Variants in CD2 observed in about 807,000 individuals in gnomAD.
CD2 encodes the protein CD2 molecule.
CD2 carries 18 observed loss-of-function variants against 23.2 expected under a neutral mutation model. The ratio of observed to expected loss-of-function variants is 0.77; its 90% CI spans 0.54 to 1.15. CD2 has a LOEUF of 1.15. Ranked by LOEUF, CD2 falls within the 50% of genes most tolerant of loss-of-function variation. CD2 has a pLI of 0.00. For synonymous variants in CD2, 162 were observed against 151.9 expected (o/e 1.07, Z -0.49); for missense variants, 424 against 423.1 (o/e 1.00, Z -0.02).
In CD2 at chr1:116,754,705, C is replaced by G. The variant is rs142374557; in HGVS notation, c.136C>G (p.Pro46Ala). 8.1e-3 allele frequency: 13,128 copies of G among 1,612,830 alleles called. 74 individuals are homozygous for G. The highest frequency in any genetic ancestry group is 0.01 in the Non-Finnish European group (11,976 of 1,179,634). Residue 46 changes from proline (P) to alanine (A), a missense_variant, in exon 2 of 5, where the codon CCT becomes GCT. Physicochemically the swap from Pro to Ala is conservative, Grantham distance 27. Coordinates refer to ENST00000369478, the MANE Select transcript of CD2 (RefSeq NM_001767.5). ...GGGTCAGGACATCAACTTGGACATTCCTAGTTTTCAAATGAGTGATGATAT... is the reference window on the plus strand; with the variant it reads ...GGGTCAGGACATCAACTTGGACATTGCTAGTTTTCAAATGAGTGATGATAT... ...ALGQDINLDI[P>A]SFQMSDDIDD...
chr1:116,755,016 G>A, intron 2 of CD2, 65 bp downstream of exon 2: 8 of 1,150,688 alleles, frequency 7.0e-6, no homozygotes, highest in Non-Finnish European at 1.0e-5. Flanking sequence ...TTGGAAAATA[G>A]CATTTCTAAT....
At chr1:116,766,197 G>A (rs1194579062) in intron 4 of CD2, among the ~76,000 whole-genome samples, 7 of 152,232 alleles carry the variant, frequency 4.6e-5, no homozygotes, top group Admixed American at 3.9e-4. Context: ...AGGACAATGA[G>A]CCTGGAGGAA....
At chr1:116,766,552 C>T (rs913834505) in intron 4 of CD2, among the ~76,000 whole-genome samples, 2 of 152,104 alleles carry the variant, frequency 1.3e-5, no homozygotes, top group African/African-American at 2.4e-5. Flanking sequence ...GTTGGAAGGA[C>T]AAATGAACCA....
At chr1:116,758,152 TTGAG>T (rs1651919563) in intron 2 of CD2, among the ~76,000 whole-genome samples, 1 of 152,054 alleles carries the variant, frequency 6.6e-6, no homozygotes. Flanking sequence ...ATTATTGACT[TTGAG>T]TGGTGGCGTT....
rs150567561 is a variant in CD2, at chr1:116,768,535, G to A, written c.808G>A (p.Ala270Thr). ...ERGRKPHQIP[A>T]STPQNPATSQ... ...GGGCCGGAAGCCCCACCAAATTCCAGCTTCAACCCCTCAGAATCCAGCAAC... is the reference window on the plus strand; with the variant it reads ...GGGCCGGAAGCCCCACCAAATTCCAACTTCAACCCCTCAGAATCCAGCAAC... Residue 270 changes from alanine (A) to threonine (T), a missense_variant, in exon 5 of 5, where the codon GCT (alanine) becomes ACT (threonine). Ala to Thr is a moderately conservative substitution (Grantham distance 58, BLOSUM62 0). Transcript: ENST00000369478. The A allele has an allele frequency of 1.2e-4, 189 of 1,614,012 alleles. No individual in the cohort carries two copies. The highest frequency in any genetic ancestry group is 1.3e-4 in the Non-Finnish European group (159 of 1,180,044).
In CD2 at chr1:116,764,802, A is replaced by G. The variant is rs796132819; in HGVS notation, c.736+196A>G. 9 of 572,818 alleles carry G rather than the reference A, an allele frequency of 1.6e-5. No homozygotes were observed. In the African/African-American group the frequency reaches 1.7e-4, roughly 11 times the overall value. 35.5% of individuals were successfully genotyped at this position (572,818 alleles called of 1,614,324 possible). On this transcript the variant is annotated intron_variant, in intron 4 of 4. Transcript: ENST00000369478. ...TTTGAAAAACAAATTCTTAGTGGTG[A>G]CAATGTGGGAGCTTTGAGACACTGA...
At chr1:116,756,991 C>CTT (rs141857831) in intron 2 of CD2, among the ~76,000 whole-genome samples, 10 of 104,600 alleles carry the variant, frequency 9.6e-5, no homozygotes, top group South Asian at 7.7e-4. Context: ...CCAAGCTTCT[C>CTT]TTTTTTTTTT....
chr1:116,760,486 T>G lies in CD2; in HGVS notation c.467T>G (p.Leu156Ter), dbSNP rs1652009787. 6.2e-7 allele frequency: 1 copy of G among 1,614,046 alleles called. No homozygotes were observed. The change falls in exon 3 of 5, where the codon TTA becomes TGA. Residue 156 changes from leucine to a stop codon, truncating the protein, a stop_gained. Coordinates refer to ENST00000369478, the MANE Select transcript of CD2 (RefSeq NM_001767.5). LOFTEE classifies it high-confidence loss of function. ...CEVMNGTDPE[L>*]NLYQDGKHLK... The stretch of plus-strand genomic sequence containing the variant: ...GTAATGAATGGAACTGACCCCGAAT[T>G]AAACCTGTATCAAGATGGGAAACAT...
Position 116,768,891 on chromosome 1 carries a change from C to A in CD2, c.*108C>A. ...GTTTTCTGTGTGCAGAACATTGTCA[C>A]CTCCTGAGGCTGTGGGCCACAGCCA... is the stretch of plus-strand genomic sequence containing the variant. On this transcript the variant is annotated 3_prime_UTR_variant, in exon 5 of 5. Coordinates refer to ENST00000369478, the MANE Select transcript of CD2 (RefSeq NM_001767.5). The A allele has an allele frequency of 1.8e-6, 2 of 1,126,070 alleles. No individual in the cohort carries two copies. Among genetic ancestry groups the A allele is most frequent in the South Asian group, 1.6e-5 (1 of 63,646 alleles). 69.8% of individuals were successfully genotyped at this position (1,126,070 alleles called of 1,614,324 possible). A position where few individuals can be genotyped will look rare whatever the true frequency, so the allele number is the denominator to read the frequency against.
chr1:116,758,968 G>T (rs1417251980), intron 2 of CD2, among the ~76,000 whole-genome samples: 1 of 152,036 alleles, frequency 6.6e-6, no homozygotes, highest in Non-Finnish European at 1.5e-5. Context: ...TTTCTAAACA[G>T]CTTCATTGAG....
intron 2 of CD2, among the ~76,000 whole-genome samples, chr1:116,759,136 C>T (rs1011510662): frequency 3.9e-5 from 6 of 152,150 alleles, no homozygotes; most frequent in African/African-American, 1.4e-4. Context: ...GTGACCCAAC[C>T]TCTAGACTAT....
intron 2 of CD2, 145 bp downstream of exon 2, chr1:116,755,096 T>C: frequency 1.6e-6 from 1 of 634,660 alleles, no homozygotes; most frequent in Non-Finnish European, 2.8e-6. Context: ...CCTGCCCCAG[T>C]GGAGACTGTG....
intron 2 of CD2, among the ~76,000 whole-genome samples, chr1:116,759,675 G>A (rs1651971809): frequency 6.6e-6 from 1 of 152,192 alleles, no homozygotes; most frequent in South Asian, 2.1e-4. Context: ...GGTAGGGTAT[G>A]TTTTTCTGAT....
chr1:116,767,816 G>A (rs1036098399), intron 4 of CD2, among the ~76,000 whole-genome samples: 15 of 152,022 alleles, frequency 9.9e-5, no homozygotes, highest in African/African-American at 3.4e-4. Flanking sequence ...ACTACATTAC[G>A]AGTAGCTGTA....
intron 2 of CD2, among the ~76,000 whole-genome samples, chr1:116,760,111 G>A (rs1157602578): frequency 6.6e-6 from 1 of 152,156 alleles, no homozygotes; most frequent in Admixed American, 6.5e-5. Flanking sequence ...GTCTGTTAGG[G>A]TTAAGTGATG....
At chr1:116,763,294 C>T (rs57136622) in intron 3 of CD2, among the ~76,000 whole-genome samples, 20,635 of 152,196 alleles carry the variant, frequency 0.14, 1,511 homozygotes, top group Middle Eastern at 0.2. Context: ...GTTTCTGAGC[C>T]TCTGACCCTC....
rs3768447 is a variant in CD2 at position 116,755,420 on chromosome 1, A to G, written c.382+469A>G. ...ATGGCAGAAAAGGGCTGGAAACAAC[A>G]TATTTAAGGATGAACAGCCCTTATT... On this transcript the variant is annotated intron_variant, in intron 2 of 4. Transcript: ENST00000369478. Among the ~76,000 whole-genome samples the G allele has an allele frequency of 1.1e-3, 171 of 152,310 alleles. 5 individuals carry two copies. In the East Asian group the frequency reaches 0.026, roughly 23 times the overall value.
chr1:116,768,394 A>C, intron 4 of CD2, 70 bp from the exon 5 acceptor site: 1 of 1,448,516 alleles, frequency 6.9e-7, no homozygotes, highest in Non-Finnish European at 9.4e-7. Context: ...CCTTGCATAT[A>C]AAAGGTACTC....
chr1:116,754,567 TC>T lies in CD2; in HGVS notation c.61+15del. The T allele has an allele frequency of 6.2e-7, 1 of 1,612,310 alleles. No homozygotes were observed. On this transcript the variant is annotated intron_variant, in intron 1 of 4. Transcript: ENST00000369478. ...TTTCTTCCAAAGGTAAGCATAAGAG[TC>T]AAAGAAGTCCCAACCCAGCTTTCCC...
Sources: allele counts gnomAD v4.1 joint callset (sites outside exome capture counted in the v4.1 genomes callset), GRCh38; gene constraint gnomAD v4.1.1; transcripts MANE v1.5; gene names NCBI Gene and HGNC (gene_info 2026-07-23, HGNC 2026-07-21).